BNC2: variants seen among roughly 807,000 people sequenced by gnomAD.
BNC2 encodes the protein basonuclin zinc finger protein 2, also known as zinc finger protein basonuclin-2.
In BNC2, 20 loss-of-function variants were observed where a neutral mutation model predicts 76.3. That is an observed-to-expected ratio of 0.26 (90% CI 0.18 to 0.38). The LOEUF (loss-of-function observed/expected upper bound fraction) is 0.38, where lower values mean the gene tolerates loss of function less well. BNC2 is among the 10% of genes least tolerant of loss of function. The probability of loss-of-function intolerance (pLI) is 1.00; values close to 1 mark genes in which losing one functional copy is unlikely to be tolerated. For missense variants in BNC2, 1,382 were observed against 1,399.8 expected (o/e 0.99, Z 0.20); for synonymous variants, 582 against 514.8 (o/e 1.13, Z -1.77).
intron 1 of BNC2, among the ~76,000 whole-genome samples, chr9:16,862,190 C>G (rs991020067): frequency 6.6e-6 from 1 of 152,118 alleles, no homozygotes; most frequent in Non-Finnish European, 1.5e-5. Flanking sequence ...GAAATGAAAA[C>G]ATTATGTCCA....
At chr9:16,674,244 T>C (rs541896379) in intron 3 of BNC2, among the ~76,000 whole-genome samples, 3 of 152,332 alleles carry the variant, frequency 2.0e-5, no homozygotes, top group East Asian at 1.9e-4. Context: ...TCCTCTAGAA[T>C]GCTGGTTTAC....
intron 3 of BNC2, among the ~76,000 whole-genome samples, chr9:16,722,833 G>A (rs1824198804): frequency 6.6e-6 from 1 of 152,018 alleles, no homozygotes; most frequent in African/African-American, 2.4e-5. Flanking sequence ...CAAATGAGAC[G>A]GTATCTCTTA....
At chr9:16,816,281 T>C (rs982296878) in intron 1 of BNC2, among the ~76,000 whole-genome samples, 16 of 152,144 alleles carry the variant, frequency 1.1e-4, no homozygotes, top group African/African-American at 3.6e-4. Context: ...CCAGTGTTGA[T>C]TCTGATGAAC....
intron 5 of BNC2, among the ~76,000 whole-genome samples, chr9:16,456,596 C>T (rs1355987174): frequency 2.6e-5 from 4 of 151,914 alleles, no homozygotes; most frequent in Non-Finnish European, 4.4e-5. Flanking sequence ...TCACTGGTGG[C>T]CAGCAGCCAC....
At chr9:16,798,602 C>G (rs1237526728) in intron 1 of BNC2, among the ~76,000 whole-genome samples, 1 of 152,024 alleles carries the variant, frequency 6.6e-6, no homozygotes, top group African/African-American at 2.4e-5. Context: ...TAAAGGAGTT[C>G]CTCCAACCAG....
At chr9:16,473,772 C>G (rs1821872560) in intron 5 of BNC2, among the ~76,000 whole-genome samples, 1 of 152,140 alleles carries the variant, frequency 6.6e-6, no homozygotes, top group South Asian at 2.1e-4. Flanking sequence ...ACTTGGGAGG[C>G]TGAGGCAGGA....
intron 4 of BNC2, among the ~76,000 whole-genome samples, chr9:16,579,639 A>G (rs1456401166): frequency 6.6e-6 from 1 of 152,194 alleles, no homozygotes; most frequent in East Asian, 1.9e-4. Context: ...GTTAACGTCA[A>G]CAACTTACGC....
chr9:16,713,441 G>A lies in BNC2; in HGVS notation c.330+14356C>T, dbSNP rs1007887486. 7.2e-4 allele frequency among the ~76,000 whole-genome samples: 82 copies of A among 114,434 alleles called. 2 individuals are homozygous for A. In the South Asian group the frequency reaches 0.018, roughly 26 times the overall value. 75.1% of individuals were successfully genotyped at this position (114,434 alleles called of 152,430 possible). A position where few individuals can be genotyped will look rare whatever the true frequency, so the allele number is the denominator to read the frequency against. On this transcript the variant is annotated intron_variant, in intron 3 of 6. Coordinates refer to ENST00000380672, the MANE Select transcript of BNC2 (RefSeq NM_017637.6). ...CCTGTAGAAAACCAGCCTAGGAAAA[G>A]GCACTTTTTTTTTTTTTTTTTTTTT...
At chr9:16,741,522 C>G (rs951160908) in intron 1 of BNC2, among the ~76,000 whole-genome samples, 2 of 151,982 alleles carry the variant, frequency 1.3e-5, no homozygotes, top group Non-Finnish European at 2.9e-5. Context: ...TAGAACTCAG[C>G]CTGGTTCCCA....
In BNC2 at chr9:16,430,909, A is replaced by G. The variant is rs542543405; in HGVS notation, c.2639+4646T>C. 1.1e-4 allele frequency among the ~76,000 whole-genome samples: 17 copies of G among 152,346 alleles called. No homozygotes were observed. The South Asian group carries it at 3.3e-3, about 30-fold the overall frequency. On this transcript the variant is annotated intron_variant, in intron 6 of 6. Coordinates refer to ENST00000380672, the MANE Select transcript of BNC2 (RefSeq NM_017637.6). ...ACCAATGGTTACCTCATATTTATTT[A>G]TAAATCACCCTCAGCAAATATAATT...
intron 3 of BNC2, among the ~76,000 whole-genome samples, chr9:16,721,755 A>G (rs983694870): frequency 6.6e-6 from 1 of 152,180 alleles, no homozygotes; most frequent in African/African-American, 2.4e-5. Context: ...GAAAAAGTCA[A>G]CCTACCCGAT....
At chr9:16,731,230 T>C (rs1026288143) in intron 2 of BNC2, among the ~76,000 whole-genome samples, 1 of 152,192 alleles carries the variant, frequency 6.6e-6, no homozygotes, top group African/African-American at 2.4e-5. Flanking sequence ...TATTTAAAAC[T>C]AGAAGGAAGA....
intron 5 of BNC2, among the ~76,000 whole-genome samples, chr9:16,493,407 G>A (rs1322405867): frequency 1.3e-5 from 2 of 152,178 alleles, no homozygotes; most frequent in Non-Finnish European, 2.9e-5. Flanking sequence ...AATTAGGGGT[G>A]GGTATGTGTA....
At chr9:16,695,431 A>C (rs1307245961) in intron 3 of BNC2, among the ~76,000 whole-genome samples, 1 of 151,976 alleles carries the variant, frequency 6.6e-6, no homozygotes, top group African/African-American at 2.4e-5. Flanking sequence ...TCTCTAGAAC[A>C]TGACTCCAAC....
At chr9:16,551,835 G>A (rs1818672712) in intron 5 of BNC2, among the ~76,000 whole-genome samples, 1 of 152,194 alleles carries the variant, frequency 6.6e-6, no homozygotes, top group African/African-American at 2.4e-5. Flanking sequence ...AGATGGGGGT[G>A]CATGAAGGCT....
At chr9:16,751,671 TG>T (rs1272226065) in intron 1 of BNC2, among the ~76,000 whole-genome samples, 2 of 26,822 alleles carry the variant, frequency 7.5e-5, no homozygotes, top group African/African-American at 2.0e-4. Flanking sequence ...TGTATGTATG[TG>T]TATATATATA....
chr9:16,805,143 G>A (rs1264647707), intron 1 of BNC2, among the ~76,000 whole-genome samples: 1 of 152,078 alleles, frequency 6.6e-6, no homozygotes, highest in Non-Finnish European at 1.5e-5. Context: ...ATCTTCAAAT[G>A]AGCATTATAA....
At position 16,409,551 on chromosome 9, in the gene BNC2, A is replaced by G. The variant is rs1820417683; in HGVS notation, c.*9438T>C. The G allele has an allele frequency of 1.3e-5, 2 of 152,794 alleles. No individual in the cohort carries two copies. The highest frequency in any genetic ancestry group is 6.5e-5 in the Admixed American group (1 of 15,308). 9.5% of individuals were successfully genotyped at this position (152,794 alleles called of 1,614,324 possible). On this transcript the variant is annotated 3_prime_UTR_variant, in exon 7 of 7. Transcript: ENST00000380672. ...ATAAAAATTGTACAAGAATTTTGATACAAATTACAAGAGGTATTTGGACAA... is the reference window on the plus strand; with the variant it reads ...ATAAAAATTGTACAAGAATTTTGATGCAAATTACAAGAGGTATTTGGACAA...
At chr9:16,634,265 C>A (rs1821250909) in intron 3 of BNC2, among the ~76,000 whole-genome samples, 2 of 152,088 alleles carry the variant, frequency 1.3e-5, no homozygotes, top group Admixed American at 1.3e-4. Context: ...TGTATCTATT[C>A]CTCTATTATT....
Sources: allele counts gnomAD v4.1 joint callset (sites outside exome capture counted in the v4.1 genomes callset), GRCh38; gene constraint gnomAD v4.1.1; transcripts MANE v1.5; gene names NCBI Gene and HGNC (gene_info 2026-07-23, HGNC 2026-07-21).